The following NELL2 variants were observed in gnomAD, a reference collection of about 807,000 sequenced individuals.
NELL2 encodes neural EGFL like 2.
In NELL2, 41 loss-of-function variants were observed where a neutral mutation model predicts 109.6. That is an observed-to-expected ratio of 0.37 (90% CI 0.29 to 0.49). NELL2 has a LOEUF of 0.49. NELL2 is among the 20% of genes least tolerant of loss of function. The pLI is 0.98. For missense variants in NELL2, 900 were observed against 1,008.3 expected (o/e 0.89, Z 1.45); for synonymous variants, 355 against 344.7 (o/e 1.03, Z -0.33).
At position 44,522,556 on chromosome 12, in the gene NELL2, T is replaced by G. The variant is rs566505298; in HGVS notation, c.1999-380A>C. Among the ~76,000 whole-genome samples, 3 of 152,314 alleles carry G rather than the reference T, an allele frequency of 2.0e-5. No individual in the cohort carries two copies. In the South Asian group the frequency reaches 6.2e-4, roughly 32 times the overall value. Reference sequence around the variant, plus strand: ...TTGTTTGAGGACATGTGTTTTAATATTTCATAGTTAATAACATATATATAT... The same window carrying G: ...TTGTTTGAGGACATGTGTTTTAATAGTTCATAGTTAATAACATATATATAT... On this transcript the variant is annotated intron_variant, in intron 17 of 19. Coordinates refer to ENST00000429094, the MANE Select transcript of NELL2 (RefSeq NM_001145108.2).
At chr12:44,771,514 T>C (rs1194386347) in intron 9 of NELL2, among the ~76,000 whole-genome samples, 1 of 152,172 alleles carries the variant, frequency 6.6e-6, no homozygotes, top group Middle Eastern at 3.2e-3. Context: ...GCACAAAGTA[T>C]GTGTCTTGTA....
At chr12:44,743,644 G>T (rs1940142327) in intron 9 of NELL2, among the ~76,000 whole-genome samples, 1 of 152,138 alleles carries the variant, frequency 6.6e-6, no homozygotes, top group African/African-American at 2.4e-5. Context: ...GGCAGAGGTT[G>T]CAATCCTAGT....
chr12:44,513,577 A>G (rs749355479), intron 19 of NELL2, among the ~76,000 whole-genome samples: 1 of 151,970 alleles, frequency 6.6e-6, no homozygotes, highest in Non-Finnish European at 1.5e-5. Flanking sequence ...GAGAAATTAA[A>G]CTACTAAAAA....
intron 19 of NELL2, among the ~76,000 whole-genome samples, chr12:44,512,004 C>G (rs962277463): frequency 1.3e-5 from 2 of 152,022 alleles, no homozygotes; most frequent in Non-Finnish European, 2.9e-5. Context: ...AACTAAAAAG[C>G]TTCTGCACAG....
chr12:44,526,853 T>G (rs549568330), intron 16 of NELL2, among the ~76,000 whole-genome samples: 4 of 152,126 alleles, frequency 2.6e-5, no homozygotes, highest in Non-Finnish European at 4.4e-5. Context: ...GATATGTGTG[T>G]GGGGGGCTCA....
At chr12:44,743,135 G>C (rs1234644682) in intron 9 of NELL2, among the ~76,000 whole-genome samples, 2 of 152,150 alleles carry the variant, frequency 1.3e-5, no homozygotes, top group African/African-American at 4.8e-5. Flanking sequence ...GAAGAGCATG[G>C]GGACCAATAT....
intron 13 of NELL2, among the ~76,000 whole-genome samples, chr12:44,642,212 T>C (rs183614186): frequency 4.3e-4 from 65 of 152,260 alleles, no homozygotes; most frequent in African/African-American, 1.5e-3. Flanking sequence ...GGTTCACAGA[T>C]GATTCTTAAC....
intron 1 of NELL2, among the ~76,000 whole-genome samples, chr12:44,885,977 T>C (rs555012876): frequency 6.6e-6 from 1 of 151,872 alleles, no homozygotes; most frequent in Non-Finnish European, 1.5e-5. Context: ...AATAGACATA[T>C]ATATATATAA....
chr12:44,632,633 CA>C (rs894173537), intron 13 of NELL2, among the ~76,000 whole-genome samples: 1 of 150,478 alleles, frequency 6.6e-6, no homozygotes, highest in Non-Finnish European at 1.5e-5. Flanking sequence ...CTTCGGAAGC[CA>C]AAAAAAATCA....
intron 2 of NELL2, among the ~76,000 whole-genome samples, chr12:44,862,919 GAA>G (rs1944882664): frequency 6.6e-6 from 1 of 152,104 alleles, no homozygotes; most frequent in East Asian, 1.9e-4. Flanking sequence ...GAAGGAAGAA[GAA>G]AGAGACAAGT....
chr12:44,811,666 C>CTT (rs1255968441), intron 3 of NELL2, among the ~76,000 whole-genome samples: 1 of 152,060 alleles, frequency 6.6e-6, no homozygotes, highest in Non-Finnish European at 1.5e-5. Context: ...CCTTCTCCCT[C>CTT]TTTAATTAGG....
intron 9 of NELL2, among the ~76,000 whole-genome samples, chr12:44,768,838 A>T (rs567136822): frequency 6.6e-6 from 1 of 152,178 alleles, no homozygotes; most frequent in East Asian, 1.9e-4. Flanking sequence ...CACACCAACT[A>T]ATTTATAATT....
chr12:44,910,383 A>G (rs1202775648), intron 1 of NELL2, among the ~76,000 whole-genome samples: 3 of 152,122 alleles, frequency 2.0e-5, no homozygotes, highest in Non-Finnish European at 4.4e-5. Flanking sequence ...ACTAATCATC[A>G]GAGAAAAGCA....
chr12:44,514,007 G>T (rs1027173999), intron 19 of NELL2, among the ~76,000 whole-genome samples: 1 of 145,076 alleles, frequency 6.9e-6, no homozygotes, highest in African/African-American at 2.5e-5. Context: ...TAAAAACAAA[G>T]ATAGAGAATC....
In NELL2 at chr12:44,703,729, C is replaced by T. The variant is rs373185386; in HGVS notation, c.1315G>A (p.Glu439Lys). 5.0e-6 allele frequency: 8 copies of T among 1,613,170 alleles called. No homozygotes were observed. The African/African-American group carries it at 8.0e-5, about 16-fold the overall frequency. The change falls in exon 12 of 20, where the codon GAA (glutamate) becomes AAA (lysine). Residue 439 changes from glutamate to lysine, a missense_variant. Physicochemically the swap from Glu to Lys is moderately conservative, Grantham distance 56. Around this residue, in one of 4 missense-constraint regions of NELL2, gnomAD observed 292 missense variants for 265.3 expected, o/e 1.10. Coordinates refer to ENST00000429094, the MANE Select transcript of NELL2 (RefSeq NM_001145108.2). ...RALREDNAYC[E>K]DIDECAEGRH... Reference sequence around the variant, plus strand: ...TACACATCATTACAAGGATTACCTTCACAGTAGGCATTATCCTCTCGAAGA... The same window carrying T: ...TACACATCATTACAAGGATTACCTTTACAGTAGGCATTATCCTCTCGAAGA...
chr12:44,782,030 A>C (rs1229364936), intron 3 of NELL2, among the ~76,000 whole-genome samples: 2 of 152,040 alleles, frequency 1.3e-5, no homozygotes, highest in Admixed American at 1.3e-4. Flanking sequence ...TCTTTTCTAA[A>C]GTATGTTTGA....
At chr12:44,726,692 T>A (rs12579312) in intron 9 of NELL2, among the ~76,000 whole-genome samples, 19,640 of 152,218 alleles carry the variant, frequency 0.13, 1,496 homozygotes, top group East Asian at 0.21. Context: ...AGACTTACCG[T>A]GTTTAAAATA....
intron 15 of NELL2, among the ~76,000 whole-genome samples, chr12:44,601,537 A>T (rs561915981): frequency 6.6e-6 from 1 of 152,320 alleles, no homozygotes; most frequent in South Asian, 2.1e-4. Flanking sequence ...TGAATGGATC[A>T]AGAAAACTAG....
chr12:44,772,566 A>T (rs1941591382), intron 9 of NELL2, among the ~76,000 whole-genome samples: 1 of 152,208 alleles, frequency 6.6e-6, no homozygotes, highest in South Asian at 2.1e-4. Flanking sequence ...CTAAGGGGAA[A>T]TATCTATGGC....
Sources: allele counts gnomAD v4.1 joint callset (sites outside exome capture counted in the v4.1 genomes callset), GRCh38; gene constraint gnomAD v4.1.1; regional missense constraint gnomAD v4.1.1; transcripts MANE v1.5; gene names NCBI Gene and HGNC (gene_info 2026-07-23, HGNC 2026-07-21).